The following KCNC4 variants were observed in gnomAD, a reference collection of about 807,000 sequenced individuals.
KCNC4 encodes potassium voltage-gated channel subfamily C member 4.
KCNC4 carries 23 observed loss-of-function variants against 42.8 expected under a neutral mutation model. The ratio of observed to expected loss-of-function variants is 0.54; its 90% CI spans 0.39 to 0.76. The LOEUF (loss-of-function observed/expected upper bound fraction) is 0.76. KCNC4 is among the 30% of genes least tolerant of loss of function. The pLI is 0.00. For missense variants in KCNC4, 751 were observed against 898.2 expected (o/e 0.84, Z 2.10); for synonymous variants, 422 against 393.5 (o/e 1.07, Z -0.86).
At chr1:110,254,095 G>GA (rs1226362578), downstream of KCNC4, among the ~76,000 whole-genome samples, 1 of 134,494 alleles carries the variant, frequency 7.4e-6, no homozygotes, top group Non-Finnish European at 1.6e-5. Flanking sequence ...GAAGTCGGGG[G>GA]GGGGGCGGCG....
At chr1:110,263,977 T>A (rs1193479139) in intron 1 of KCNC4, among the ~76,000 whole-genome samples, 2 of 152,110 alleles carry the variant, frequency 1.3e-5, no homozygotes, top group East Asian at 3.9e-4. Flanking sequence ...TTATTCTTGG[T>A]ACAACTGAAG....
intron 1 of KCNC4, among the ~76,000 whole-genome samples, chr1:110,265,060 A>G (rs1342734224): frequency 1.3e-5 from 2 of 148,616 alleles, no homozygotes; most frequent in Non-Finnish European, 3.0e-5. Flanking sequence ...CAGCCTGGGC[A>G]ACAGAACCAA....
chr1:110,278,597 A>G (rs1308863212), intron 1 of KCNC4, among the ~76,000 whole-genome samples: 1 of 152,132 alleles, frequency 6.6e-6, no homozygotes, highest in Non-Finnish European at 1.5e-5. Context: ...GAGTATTAAA[A>G]ACCCACGTGA....
At chr1:110,254,102 G>A (rs949442101), downstream of KCNC4, among the ~76,000 whole-genome samples, 23 of 61,868 alleles carry the variant, frequency 3.7e-4, 2 homozygotes, top group Admixed American at 2.1e-3. Flanking sequence ...GGGGGGGGGC[G>A]GCGTTTCTGT....
downstream of KCNC4, chr1:110,237,406 G>T (rs907343794): frequency 6.6e-6 from 1 of 152,106 alleles, no homozygotes; most frequent in African/African-American, 2.4e-5. Context: ...CTCCCCAGAG[G>T]TGACATGGTT....
intron 1 of KCNC4, among the ~76,000 whole-genome samples, chr1:110,216,324 C>T (rs1657788561): frequency 6.6e-6 from 1 of 152,204 alleles, no homozygotes; most frequent in African/African-American, 2.4e-5. Flanking sequence ...GCTTTCTGAG[C>T]TCCCCAGGAG....
chr1:110,226,174 G>T lies in KCNC4; in HGVS notation c.1815G>T (p.Arg605=). Residue 605 remains arginine, a synonymous_variant, in exon 3 of 4, where the codon CGG becomes CGT. Transcript: ENST00000438661. The part of the protein sequence containing the change: ...GDYACADGSV[R]KETCQDALSS... Reference sequence around the variant, plus strand: ...ATGCCTGCGCCGATGGTAGTGTCCGGAAAGGTATGGCTTCCCAAGCTGGAC... The same window carrying T: ...ATGCCTGCGCCGATGGTAGTGTCCGTAAAGGTATGGCTTCCCAAGCTGGAC... 6.2e-7 allele frequency: 1 copy of T among 1,614,080 alleles called. No individual in the cohort carries two copies. The highest frequency in any genetic ancestry group is 2.2e-5 in the East Asian group (1 of 44,866).
intron 1 of KCNC4, among the ~76,000 whole-genome samples, chr1:110,214,802 T>C (rs1314942111): frequency 6.6e-6 from 1 of 152,248 alleles, no homozygotes; most frequent in Non-Finnish European, 1.5e-5. Context: ...CTGTACCTCC[T>C]GTGGATGACA....
rs1658802272 is a variant in KCNC4, at chr1:110,233,281, C to T, written c.*309C>T. ...TTGTTAGGCTGTGTCTCCCTAAGCCCTTGCCCCACCCAGAGTTTCCCGTCC... is the reference window on the plus strand; with the variant it reads ...TTGTTAGGCTGTGTCTCCCTAAGCCTTTGCCCCACCCAGAGTTTCCCGTCC... On this transcript the variant is annotated 3_prime_UTR_variant, in exon 4 of 4. Coordinates refer to ENST00000438661, the MANE Select transcript of KCNC4 (RefSeq NM_001039574.3). 4 of 465,304 alleles carry T rather than the reference C, an allele frequency of 8.6e-6. No homozygotes were observed. The highest frequency in any genetic ancestry group is 1.2e-5 in the Non-Finnish European group (3 of 260,178). 28.8% of individuals were successfully genotyped at this position (465,304 alleles called of 1,614,324 possible).
At position 110,228,798 on chromosome 1, in the gene KCNC4, G is replaced by A. The variant is rs552680596; in HGVS notation, c.1819+2620G>A. On this transcript the variant is annotated intron_variant, in intron 3 of 3. Coordinates refer to ENST00000438661, the MANE Select transcript of KCNC4 (RefSeq NM_001039574.3). ...CCACGCGGGCAGCAGGAGGGAGCAG[G>A]GGGGAGCAGTCAGGACAGAGGAGAA... 400 of 152,848 alleles carry A rather than the reference G, an allele frequency of 2.6e-3. 1 individual carries two copies. Among genetic ancestry groups the A allele is most frequent in the Non-Finnish European group, 4.0e-3 (275 of 68,408 alleles). The allele number at this position is 152,848 out of a possible 1,614,324, so 9.5% of individuals were successfully genotyped here.
At chr1:110,234,581 C>G (rs1658857431), downstream of KCNC4, 1 of 152,220 alleles carries the variant, frequency 6.6e-6, no homozygotes, top group Admixed American at 6.5e-5. Context: ...GCCCTTGGCT[C>G]TCACTGTTGT....
downstream of KCNC4, chr1:110,235,634 T>G (rs1571061158): frequency 6.6e-6 from 1 of 151,522 alleles, no homozygotes; most frequent in Non-Finnish European, 1.5e-5. Context: ...TGCAGGAGGG[T>G]GGAGGGGTGG....
At chr1:110,260,315 A>G (rs1377573303) in intron 1 of KCNC4, among the ~76,000 whole-genome samples, 2 of 152,244 alleles carry the variant, frequency 1.3e-5, no homozygotes, top group Non-Finnish European at 2.9e-5. Flanking sequence ...GTAAGATGTT[A>G]GGACTTTGTA....
At chr1:110,216,092 C>T (rs765910286) in intron 1 of KCNC4, among the ~76,000 whole-genome samples, 21 of 152,248 alleles carry the variant, frequency 1.4e-4, no homozygotes, top group Non-Finnish European at 2.9e-4. Context: ...GGGAAGCTCC[C>T]TGGCCCAGGC....
rs866857033 is a variant in KCNC4 at position 110,279,925 on chromosome 1, G to A, written n.31-2609G>A. On this transcript the variant is annotated intron_variant and non_coding_transcript_variant, in intron 1 of 2. Transcript: ENST00000412512. ...GCGATTCTCCTGCCTCAGCCTCCCCGAGTAGGCACCCGCCACTACGCTCAG... is the reference window on the plus strand; with the variant it reads ...GCGATTCTCCTGCCTCAGCCTCCCCAAGTAGGCACCCGCCACTACGCTCAG... Among the ~76,000 whole-genome samples, 10 of 147,896 alleles carry A rather than the reference G, an allele frequency of 6.8e-5. No homozygotes were observed. The South Asian group carries it at 1.7e-3, about 26-fold the overall frequency.
Position 110,226,129 on chromosome 1 carries a change from C to A in KCNC4, c.1770C>A (p.Phe590Leu). 1 of 1,614,190 alleles carries A rather than the reference C, an allele frequency of 6.2e-7. No individual in the cohort carries two copies. Among genetic ancestry groups the A allele is most frequent in the Non-Finnish European group, 8.5e-7 (1 of 1,180,034 alleles). Residue 590 changes from phenylalanine (F) to leucine (L), a missense_variant, in exon 3 of 4, where the codon TTC (phenylalanine) becomes TTA (leucine). Around this residue, in one of 4 missense-constraint regions of KCNC4, gnomAD observed 202 missense variants for 181.5 expected, o/e 1.11. Transcript: ENST00000438661. The stretch of plus-strand genomic sequence containing the variant: ...GAAACAAGAAGGCAGCTGCCTGCTT[C>A]CTGCTCAGCACTGGGGACTATGCCT... Reference protein sequence around the residue: ...RDRNKKAAACFLLSTGDYACA... With the variant: ...RDRNKKAAACLLLSTGDYACA...
At chr1:110,281,555 A>AACACACACACACACACACACACACAC (rs55839432) in intron 1 of KCNC4, among the ~76,000 whole-genome samples, 73 of 140,436 alleles carry the variant, frequency 5.2e-4, no homozygotes, top group African/African-American at 1.5e-3. Flanking sequence ...CATATGTAAA[A>AACACACACACACACACACACACACAC]ACACACACAC....
rs12130721 is a variant in KCNC4 at position 110,263,826 on chromosome 1, G to C, written n.31-18708G>C. On this transcript the variant is annotated intron_variant and non_coding_transcript_variant, in intron 1 of 2. Coordinates refer to the KCNC4 transcript ENST00000412512. Reference sequence around the variant, plus strand: ...AATCTCTAGCAAGCTTTCAGTGAGGGGGGGGAGCTGAATGGGGGTCTCCAT... The same window carrying C: ...AATCTCTAGCAAGCTTTCAGTGAGGCGGGGGAGCTGAATGGGGGTCTCCAT... 5.7e-3 allele frequency among the ~76,000 whole-genome samples: 853 copies of C among 150,456 alleles called. 9 individuals are homozygous for C. Among genetic ancestry groups the C allele is most frequent in the African/African-American group, 0.018 (745 of 40,744 alleles).
At chr1:110,278,495 T>C (rs1659764353) in intron 1 of KCNC4, among the ~76,000 whole-genome samples, 1 of 152,080 alleles carries the variant, frequency 6.6e-6, no homozygotes, top group South Asian at 2.1e-4. Context: ...AAGTATTTGG[T>C]TTAAAATATC....
Sources: allele counts gnomAD v4.1 joint callset (sites outside exome capture counted in the v4.1 genomes callset), GRCh38; gene constraint gnomAD v4.1.1; regional missense constraint gnomAD v4.1.1; transcripts MANE v1.5; gene names NCBI Gene and HGNC (gene_info 2026-07-23, HGNC 2026-07-21).